Variants in SPATA7 observed in about 807,000 individuals in gnomAD.
SPATA7 encodes spermatogenesis-associated protein 7.
SPATA7 carries 43 observed loss-of-function variants against 51.8 expected under a neutral mutation model. The observed-to-expected ratio is 0.83, with a 90% CI of 0.65 to 1.07. SPATA7 has a LOEUF of 1.07. SPATA7 is among the 50% of genes least tolerant of loss of function. SPATA7 has a pLI of 0.00. For synonymous variants in SPATA7, 230 were observed against 252.8 expected, an observed-to-expected ratio of 0.91 and a Z score of 0.86; for missense variants, 683 against 701.3, an observed-to-expected ratio of 0.97 and a Z score of 0.30.
chr14:88,448,314 G>A (rs1281421818), intron 3 of SPATA7, among the ~76,000 whole-genome samples: 9 of 151,996 alleles, frequency 5.9e-5, no homozygotes, highest in African/African-American at 2.2e-4. Context: ...CATAGTTCTC[G>A]AGCCTTGGTT....
At position 88,429,409 on chromosome 14, in the gene SPATA7, A is replaced by G. The variant is rs748468001; in HGVS notation, c.974A>G (p.His325Arg). The G allele has an allele frequency of 1.2e-6, 2 of 1,612,984 alleles. No individual in the cohort carries two copies. Among genetic ancestry groups the G allele is most frequent in the Non-Finnish European group, 1.7e-6 (2 of 1,179,206 alleles). Residue 325 changes from histidine (H) to arginine (R), a missense_variant, in exon 8 of 12, where the codon CAT (histidine) becomes CGT (arginine). His to Arg is a conservative substitution (Grantham distance 29). Coordinates refer to ENST00000393545, the MANE Select transcript of SPATA7 (RefSeq NM_018418.5). ...ATAGCTCCTTTACCTTTAGAAGGGC[A>G]TGACTCAACATGGGATGAGATTAAG... is the stretch of plus-strand genomic sequence containing the variant. ...EKIAPLPLEG[H>R]DSTWDEIKDD...
intron 3 of SPATA7, among the ~76,000 whole-genome samples, chr14:88,451,605 C>T (rs1490785152): frequency 1.3e-5 from 2 of 151,750 alleles, no homozygotes; most frequent in African/African-American, 4.8e-5. Flanking sequence ...CGGCTCACTG[C>T]AACCTCTGCC....
chr14:88,469,388 C>T lies in SPATA7; in HGVS notation c.255-459C>T. ...TTGTATTCTTTATGTTAAAACAAGT[C>T]CGAAGCTTATATGAGATAACATAAA... is the stretch of plus-strand genomic sequence containing the variant. On this transcript the variant is annotated intron_variant, in intron 4 of 4. Coordinates refer to the SPATA7 transcript ENST00000556406. This position sits in a 1 kb window ranked among gnomAD's most constrained non-coding sequence, Gnocchi z 4.3. 1.0e-6 allele frequency: 1 copy of T among 988,470 alleles called. No homozygotes were observed. The highest frequency in any genetic ancestry group is 1.6e-5 in the South Asian group (1 of 62,970). The allele number at this position is 988,470 out of a possible 1,614,324, so 61.2% of individuals were successfully genotyped here.
downstream of SPATA7, among the ~76,000 whole-genome samples, chr14:88,458,553 G>A (rs1263801426): frequency 6.6e-6 from 1 of 152,134 alleles, no homozygotes. Context: ...TTGTATTTCT[G>A]TGAGATCAGT....
At chr14:88,389,567 G>A (rs2075683031) in intron 1 of SPATA7, among the ~76,000 whole-genome samples, 1 of 152,140 alleles carries the variant, frequency 6.6e-6, no homozygotes, top group Non-Finnish European at 1.5e-5. Context: ...ATGAGTATAT[G>A]CCTTGGTGTA....
At chr14:88,462,029 T>C (rs2077320954) in intron 4 of SPATA7, among the ~76,000 whole-genome samples, 1 of 152,180 alleles carries the variant, frequency 6.6e-6, no homozygotes, top group Admixed American at 6.5e-5. Context: ...TGCACTGGTA[T>C]TATTTCAGTA....
At chr14:88,390,355 CT>C (rs903070835) in intron 1 of SPATA7, among the ~76,000 whole-genome samples, 102 of 151,998 alleles carry the variant, frequency 6.7e-4, no homozygotes, top group African/African-American at 2.3e-3. Flanking sequence ...CAAGAAATCG[CT>C]TTCTATCTTG....
intron 5 of SPATA7, among the ~76,000 whole-genome samples, chr14:88,422,907 G>T (rs572191317): frequency 6.6e-6 from 1 of 152,180 alleles, no homozygotes; most frequent in African/African-American, 2.4e-5. Flanking sequence ...ACCTGTTATG[G>T]TTATAATTTG....
chr14:88,430,775 T>C (rs1431483490), intron 8 of SPATA7, among the ~76,000 whole-genome samples: 1 of 152,096 alleles, frequency 6.6e-6, no homozygotes, highest in Non-Finnish European at 1.5e-5. Context: ...AACTAATCAG[T>C]AAATGGGAAA....
At chr14:88,424,922 A>T (rs1595265755) in intron 5 of SPATA7, among the ~76,000 whole-genome samples, 1 of 152,286 alleles carries the variant, frequency 6.6e-6, no homozygotes, top group Middle Eastern at 3.4e-3. Flanking sequence ...ATAAATCAGC[A>T]CTTTAGGTTA....
intron 3 of SPATA7, among the ~76,000 whole-genome samples, chr14:88,444,065 T>G (rs1354286232): frequency 6.6e-6 from 1 of 152,014 alleles, no homozygotes; most frequent in Non-Finnish European, 1.5e-5. Context: ...CCACACTGAC[T>G]TTCACAATGG....
intron 4 of SPATA7, among the ~76,000 whole-genome samples, chr14:88,398,314 T>C (rs2075955126): frequency 6.6e-6 from 1 of 151,436 alleles, no homozygotes; most frequent in Admixed American, 6.6e-5. Flanking sequence ...AAATGATGAG[T>C]TCATGTCCTT....
intron 8 of SPATA7, among the ~76,000 whole-genome samples, chr14:88,430,484 T>A (rs563355643): frequency 6.6e-6 from 1 of 152,322 alleles, no homozygotes; most frequent in Non-Finnish European, 1.5e-5. Flanking sequence ...TATACCTGAA[T>A]AAAATTTAGC....
chr14:88,446,095 G>T (rs1393364886), intron 3 of SPATA7, among the ~76,000 whole-genome samples: 1 of 152,084 alleles, frequency 6.6e-6, no homozygotes, highest in Non-Finnish European at 1.5e-5. Context: ...GGTAGAATTC[G>T]GCTGTGAATC....
intron 4 of SPATA7, among the ~76,000 whole-genome samples, chr14:88,413,223 C>A (rs1176071008): frequency 6.6e-6 from 1 of 152,126 alleles, no homozygotes; most frequent in African/African-American, 2.4e-5. Context: ...GCTCTGATTT[C>A]TTTCAGCAGT....
intron 3 of SPATA7, among the ~76,000 whole-genome samples, chr14:88,454,813 GAAAA>G (rs1219249634): frequency 6.7e-6 from 1 of 149,448 alleles, no homozygotes; most frequent in African/African-American, 2.5e-5. Flanking sequence ...ATCTCAAAAA[GAAAA>G]AAAAAGAAAG....
At chr14:88,441,734 T>G (rs1595307882), downstream of SPATA7, among the ~76,000 whole-genome samples, 1 of 152,352 alleles carries the variant, frequency 6.6e-6, no homozygotes, top group East Asian at 1.9e-4. Context: ...TACTTGTAGA[T>G]TCTGGATATT....
At chr14:88,404,509 G>A (rs764445497) in intron 4 of SPATA7, among the ~76,000 whole-genome samples, 3 of 152,186 alleles carry the variant, frequency 2.0e-5, no homozygotes, top group Non-Finnish European at 4.4e-5. Context: ...TTGAGGTCAT[G>A]AGTTCGAGAC....
intron 1 of SPATA7, among the ~76,000 whole-genome samples, chr14:88,387,711 A>G (rs912202077): frequency 2.4e-4 from 37 of 152,184 alleles, no homozygotes; most frequent in Admixed American, 2.4e-3. Context: ...TTTGTTTCCT[A>G]CTAACTAACT....
Sources: gnomAD v4.1 joint callset for allele counts (sites outside exome capture counted in the v4.1 genomes callset) on GRCh38, gnomAD v4.1.1 for gene constraint, Gnocchi (gnomAD v3.1) non-coding constraint, MANE v1.5 for transcripts, NCBI Gene and HGNC (gene_info 2026-07-23, HGNC 2026-07-21) for gene names.